Variants in DHRS4 observed in about 807,000 individuals in gnomAD.
DHRS4 encodes the protein dehydrogenase/reductase 4.
A neutral mutation model predicts 28.4 loss-of-function variants in DHRS4; 20 were observed. That is an observed-to-expected ratio of 0.71 (90% CI 0.50 to 1.02). The LOEUF (loss-of-function observed/expected upper bound fraction) is 1.02, where lower values mean the gene tolerates loss of function less well. Ranked by LOEUF, DHRS4 falls within the 50% of genes least tolerant of loss-of-function variation. The pLI is 0.00. For synonymous variants in DHRS4, 144 were observed against 146.4 expected (o/e 0.98, Z 0.12); for missense variants, 378 against 367.2 (o/e 1.03, Z -0.24).
intron 1 of DHRS4, chr14:23,954,295 T>C (rs533194336): frequency 5.4e-6 from 1 of 183,804 alleles, no homozygotes; most frequent in South Asian, 1.2e-4. Context: ...ACTTTGAAAA[T>C]GTACCAGACA....
intron 2 of DHRS4, among the ~76,000 whole-genome samples, chr14:23,958,416 C>A (rs908909857): frequency 1.3e-5 from 2 of 152,166 alleles, no homozygotes; most frequent in African/African-American, 4.8e-5. Context: ...CAGTTCCGGG[C>A]AAACGGAAAG....
In DHRS4 at chr14:23,966,010, C is replaced by T. The variant is rs202069784; in HGVS notation, c.531+27C>T. The T allele has an allele frequency of 1.2e-5, 19 of 1,609,528 alleles. No individual in the cohort carries two copies. In the Middle Eastern group the frequency reaches 6.6e-4, roughly 56 times the overall value. On this transcript the variant is annotated intron_variant, in intron 5 of 7. Coordinates refer to ENST00000313250, the MANE Select transcript of DHRS4 (RefSeq NM_021004.4). Reference sequence around the variant, plus strand: ...TAAGAACCCTTTTGTCTACCTCTTCCATCCCACCCTCCACTCCACATCTTT... The same window carrying T: ...TAAGAACCCTTTTGTCTACCTCTTCTATCCCACCCTCCACTCCACATCTTT...
At chr14:23,955,298 C>T (rs1202414087) in intron 2 of DHRS4, 86 bp downstream of exon 2, 10 of 1,479,398 alleles carry the variant, frequency 6.8e-6, no homozygotes, top group Non-Finnish European at 9.0e-6. Flanking sequence ...TAGACAGCAG[C>T]ACATTTTTAC....
intron 3 of DHRS4, among the ~76,000 whole-genome samples, chr14:23,963,264 G>A (rs1373206886): frequency 2.6e-5 from 3 of 115,958 alleles, no homozygotes; most frequent in African/African-American, 9.0e-5. Context: ...TTGAAGCCAG[G>A]CATTGACTTC....
At chr14:23,954,067 G>A (rs1240314130) in intron 1 of DHRS4, 151 bp downstream of exon 1, 3 of 1,294,710 alleles carry the variant, frequency 2.3e-6, no homozygotes, top group South Asian at 2.9e-5. Flanking sequence ...TCCGCCTGAA[G>A]CCACTCCGAA....
intron 1 of DHRS4, 83 bp from the exon 2 acceptor site, chr14:23,954,952 G>T: frequency 6.3e-7 from 1 of 1,579,098 alleles, no homozygotes; most frequent in Non-Finnish European, 8.6e-7. Context: ...ATTCAAACCC[G>T]GGCAGTCTTA....
rs2011740 is a variant in DHRS4 at position 23,965,566 on chromosome 14, A to T, written c.409-196A>T. Among the ~76,000 whole-genome samples the T allele has an allele frequency of 1.5e-3, 212 of 144,754 alleles. 1 individual carries two copies. The highest frequency in any genetic ancestry group is 3.6e-3 in the Middle Eastern group (1 of 276). The allele number at this position is 144,754 out of a possible 152,430, so 95.0% of individuals were successfully genotyped here. A position where few individuals can be genotyped will look rare whatever the true frequency, so the allele number is the denominator to read the frequency against. ...TTGCTCACCTGAACCTAATGTATCA[A>T]TATCTAGCTGAGCAGCTGGTGAGAG... On this transcript the variant is annotated intron_variant, in intron 3 of 7. Transcript: ENST00000313250.
rs144326373 is a variant in DHRS4, at chr14:23,959,312, C to G, written c.307-590C>G. 3.2e-4 allele frequency among the ~76,000 whole-genome samples: 49 copies of G among 152,316 alleles called. No individual in the cohort carries two copies. The East Asian group carries it at 8.1e-3, about 25-fold the overall frequency. ...TTCCTGGTGGGTCGCGCCTGTAACA[C>G]TTTAGGATACTGAGGCAGGTGGATG... On this transcript the variant is annotated intron_variant, in intron 2 of 7. Coordinates refer to ENST00000313250, the MANE Select transcript of DHRS4 (RefSeq NM_021004.4).
Position 23,959,850 on chromosome 14 carries a change from G to A in DHRS4, c.307-52G>A, listed in dbSNP as rs1466011091. ...GAAGTTTTTATCAACATGGGTAAAT[G>A]CACCTCCCTTACTTACTGCAGCCCT... On this transcript the variant is annotated intron_variant, in intron 2 of 7. Coordinates refer to ENST00000313250, the MANE Select transcript of DHRS4 (RefSeq NM_021004.4). 21 of 1,588,646 alleles carry A rather than the reference G, an allele frequency of 1.3e-5. No individual in the cohort carries two copies. The African/African-American group carries it at 1.4e-4, about 10-fold the overall frequency.
Position 23,955,192 on chromosome 14 carries a change from C to G in DHRS4, c.286C>G (p.Arg96Gly), listed in dbSNP as rs775359232. 70 of 1,613,252 alleles carry G rather than the reference C, an allele frequency of 4.3e-5. No homozygotes were observed. The highest frequency in any genetic ancestry group is 1.0e-5 in the Non-Finnish European group (12 of 1,179,634). ...TVCHVGKAED[R>G]ERLVATAVKL... ...GTGCCATGTGGGGAAGGCGGAGGAC[C>G]GGGAGCGGCTGGTGGCCACGGTGAG... Residue 96 changes from arginine to glycine, a missense_variant, in exon 2 of 8, where the codon CGG (arginine) becomes GGG (glycine). Arg to Gly is a moderately radical substitution (Grantham distance 125). Transcript: ENST00000313250.
At chr14:23,961,836 G>A (rs201329003) in intron 3 of DHRS4, among the ~76,000 whole-genome samples, 27 of 144,534 alleles carry the variant, frequency 1.9e-4, no homozygotes, top group Admixed American at 3.5e-4. Context: ...CTTTAAAATA[G>A]AGGAGCATCA....
At chr14:23,960,175 A>C (rs535993499) in intron 3 of DHRS4, among the ~76,000 whole-genome samples, 172 bp downstream of exon 3, 1 of 152,030 alleles carries the variant, frequency 6.6e-6, no homozygotes, top group African/African-American at 2.4e-5. Flanking sequence ...GGGTGGCTCT[A>C]TCCCTGCCCT....
chr14:23,954,116 C>T (rs774206549), intron 1 of DHRS4, 200 bp downstream of exon 1: 37 of 779,726 alleles, frequency 4.7e-5, no homozygotes, highest in Non-Finnish European at 7.3e-5. Flanking sequence ...GCCCTCCTGT[C>T]CCTGCTACCT....
intron 2 of DHRS4, among the ~76,000 whole-genome samples, chr14:23,956,008 T>C (rs1416674170): frequency 6.6e-6 from 1 of 152,126 alleles, no homozygotes; most frequent in South Asian, 2.1e-4. Context: ...TGCTAACAGA[T>C]TGGAAGGTTG....
chr14:23,954,416 G>C (rs1053096568), intron 1 of DHRS4, among the ~76,000 whole-genome samples: 7 of 152,236 alleles, frequency 4.6e-5, no homozygotes, highest in African/African-American at 1.2e-4. Context: ...GGCCGACCTT[G>C]CCCAGCCTGT....
intron 3 of DHRS4, 86 bp downstream of exon 3, chr14:23,960,089 C>G (rs3742492): frequency 0.22 from 282,751 of 1,292,262 alleles, 33,122 homozygotes; most frequent in East Asian, 0.57. Flanking sequence ...GAATGCATTT[C>G]TCAAGGGCAG....
chr14:23,967,427 G>C (rs2033673725), intron 7 of DHRS4, 161 bp downstream of exon 7: 1 of 1,170,174 alleles, frequency 8.5e-7, no homozygotes, highest in African/African-American at 1.5e-5. Flanking sequence ...ACAGTGACCT[G>C]AGCAAGAAGT....
At chr14:23,966,441 T>C (rs746995003) in intron 6 of DHRS4, 24 bp downstream of exon 6, 14 of 1,613,032 alleles carry the variant, frequency 8.7e-6, no homozygotes, top group African/African-American at 4.0e-5. Context: ...GCTTTGCATT[T>C]GACTGGGACC....
Position 23,961,679 on chromosome 14 carries a change from T to C in DHRS4, c.408+1676T>C, listed in dbSNP as rs2033421554. ...GACTACAGGCATGTGCCATCATGCC[T>C]GGCTAATTTTTTGTATTGAGATGCG... On this transcript the variant is annotated intron_variant, in intron 3 of 7. Coordinates refer to ENST00000313250, the MANE Select transcript of DHRS4 (RefSeq NM_021004.4). Among the ~76,000 whole-genome samples the C allele has an allele frequency of 2.0e-5, 2 of 100,678 alleles. 1 individual carries two copies. Among genetic ancestry groups the C allele is most frequent in the Admixed American group, 1.9e-4 (2 of 10,262 alleles). 66.0% of individuals were successfully genotyped at this position (100,678 alleles called of 152,430 possible). A position where few individuals can be genotyped will look rare whatever the true frequency, so the allele number is the denominator to read the frequency against.
Sources: gnomAD v4.1 joint callset for allele counts (sites outside exome capture counted in the v4.1 genomes callset) on GRCh38, gnomAD v4.1.1 for gene constraint, MANE v1.5 for transcripts, NCBI Gene and HGNC (gene_info 2026-07-23, HGNC 2026-07-21) for gene names.